Variants in MSANTD5 observed in about 807,000 individuals in gnomAD.
The protein encoded by MSANTD5 is Myb/SANT DNA binding domain containing 5, also known as uncharacterized protein MSANTD5.
At chr5:178,702,301 CTTTTTTTTT>C (rs372575693), upstream of MSANTD5, among the ~76,000 whole-genome samples, 3 of 133,374 alleles carry the variant, frequency 2.2e-5, no homozygotes. Flanking sequence ...CTTTTTTTTT[CTTTTTTTTT>C]TTTTTTTTGA....
At chr5:178,702,711 C>A in the MSANTD5 span, among the ~76,000 whole-genome samples, 1 of 152,178 alleles carries the variant, frequency 6.6e-6, no homozygotes, top group Admixed American at 6.5e-5. Flanking sequence ...AATTCTTCTG[C>A]CTCAGCCTCC....
downstream of MSANTD5, among the ~76,000 whole-genome samples, chr5:178,693,532 G>T (rs1765378391): frequency 6.6e-6 from 1 of 152,056 alleles, no homozygotes; most frequent in Non-Finnish European, 1.5e-5. Context: ...CACCGCGGGT[G>T]TTATAGCTCT....
At chr5:178,705,880 C>T in the MSANTD5 span, among the ~76,000 whole-genome samples, 2 of 152,016 alleles carry the variant, frequency 1.3e-5, no homozygotes, top group Admixed American at 6.6e-5. Context: ...AGGCGTGAAC[C>T]CGGGAGGCAG....
intron 1 of MSANTD5, among the ~76,000 whole-genome samples, chr5:178,697,360 AG>A (rs1270014237): frequency 2.0e-5 from 3 of 152,030 alleles, no homozygotes; most frequent in Non-Finnish European, 4.4e-5. Context: ...AGGCTGAGGC[AG>A]GAGAATGGCC....
upstream of MSANTD5, among the ~76,000 whole-genome samples, chr5:178,701,253 A>G (rs1203090485): frequency 1.3e-5 from 2 of 152,112 alleles, no homozygotes; most frequent in Non-Finnish European, 2.9e-5. Context: ...CTGGGATTAC[A>G]TGCGTGAGCC....
intron 1 of MSANTD5, 101 bp downstream of exon 1, chr5:178,697,485 C>T (rs1765432160): frequency 6.6e-6 from 1 of 152,168 alleles, no homozygotes; most frequent in Admixed American, 6.5e-5. Flanking sequence ...TAAAAAGGAA[C>T]AGCACACATT....
downstream of MSANTD5, among the ~76,000 whole-genome samples, chr5:178,692,763 G>T (rs1026095642): frequency 6.6e-6 from 1 of 152,048 alleles, no homozygotes; most frequent in Non-Finnish European, 1.5e-5. Context: ...TTCAGCGGTT[G>T]CCAGGAGTTA....
At chr5:178,693,094 G>A (rs1282383111), downstream of MSANTD5, among the ~76,000 whole-genome samples, 4 of 152,012 alleles carry the variant, frequency 2.6e-5, no homozygotes, top group African/African-American at 9.7e-5. Context: ...CGGATCACCT[G>A]AGGTCGGGAG....
upstream of MSANTD5, among the ~76,000 whole-genome samples, chr5:178,699,202 A>G (rs1226785562): frequency 1.3e-5 from 2 of 152,070 alleles, no homozygotes; most frequent in Non-Finnish European, 2.9e-5. Flanking sequence ...GGAGGCAAAT[A>G]GAAACTTTAG....
chr5:178,698,472 C>A (rs6600945), upstream of MSANTD5, among the ~76,000 whole-genome samples: 143,529 of 152,206 alleles, frequency 0.94, 67,804 homozygotes, highest in Middle Eastern at 0.97. Context: ...AACTCTTGGG[C>A]TTGATTCCAC....
At chr5:178,697,331 G>GT (rs1485366440) in intron 1 of MSANTD5, among the ~76,000 whole-genome samples, 1 of 151,882 alleles carries the variant, frequency 6.6e-6, no homozygotes, top group Non-Finnish European at 1.5e-5. Flanking sequence ...GCGGGCGCCT[G>GT]TAGTCCCAGC....
At chr5:178,697,595 T>C (rs1581733903) in exon 1 of MSANTD5, 1 of 152,282 alleles carries the variant, frequency 6.6e-6, no homozygotes, top group Admixed American at 6.5e-5. Context: ...CCTCCATTTT[T>C]ACTCCTGAGT....
upstream of MSANTD5, among the ~76,000 whole-genome samples, chr5:178,700,061 G>A (rs1765460683): frequency 6.6e-6 from 1 of 152,054 alleles, no homozygotes; most frequent in African/African-American, 2.4e-5. Context: ...TGTGGCCTCG[G>A]GGCCTTTGCT....
At chr5:178,697,381 G>A (rs1011759886) in intron 1 of MSANTD5, among the ~76,000 whole-genome samples, 7 of 152,136 alleles carry the variant, frequency 4.6e-5, no homozygotes, top group Non-Finnish European at 7.3e-5. Flanking sequence ...CTGAACCCGG[G>A]AGGCGGAGGT....
chr5:178,706,771 T>G, the MSANTD5 span, among the ~76,000 whole-genome samples: 2 of 152,078 alleles, frequency 1.3e-5, no homozygotes, highest in Non-Finnish European at 2.9e-5. Context: ...CCCCTTCTTC[T>G]GCCACAGCCC....
At chr5:178,704,032 A>G in the MSANTD5 span, among the ~76,000 whole-genome samples, 96 of 152,212 alleles carry the variant, frequency 6.3e-4, 1 homozygote, top group African/African-American at 2.3e-3. Context: ...TGATATCCCA[A>G]TTATACTGAT....
chr5:178,697,197 G>C (rs1765421521), intron 1 of MSANTD5, among the ~76,000 whole-genome samples: 1 of 152,214 alleles, frequency 6.6e-6, no homozygotes, highest in South Asian at 2.1e-4. Flanking sequence ...GCTCACGCCT[G>C]TAATCCCAGC....
At chr5:178,693,840 C>G (rs1243935971), downstream of MSANTD5, among the ~76,000 whole-genome samples, 6 of 151,978 alleles carry the variant, frequency 3.9e-5, no homozygotes, top group Admixed American at 3.9e-4. Flanking sequence ...AAAAGTTCTC[C>G]AAGTCCCCAC....
upstream of MSANTD5, among the ~76,000 whole-genome samples, chr5:178,700,964 G>C (rs1765471357): frequency 6.6e-6 from 1 of 152,082 alleles, no homozygotes; most frequent in African/African-American, 2.4e-5. Flanking sequence ...GGAAACATGG[G>C]TGTTCAGTTT....
Sources: gnomAD v4.1 joint callset for allele counts (sites outside exome capture counted in the v4.1 genomes callset) on GRCh38, gnomAD v4.1.1 for gene constraint, MANE v1.5 for transcripts, NCBI Gene and HGNC (gene_info 2026-07-23, HGNC 2026-07-21) for gene names.